The following TENM3 variants were observed in gnomAD, a reference collection of about 807,000 sequenced individuals.
TENM3 encodes the protein teneurin transmembrane protein 3, also known as teneurin-3.
In TENM3, 63 loss-of-function variants were observed where a neutral mutation model predicts 255.1. The observed-to-expected ratio is 0.25, with a 90% CI of 0.20 to 0.30. TENM3 has a LOEUF of 0.30. Among genes scored for constraint, TENM3 ranks in the 10% least tolerant of loss-of-function variants. TENM3 has a pLI of 1.00. For missense variants in TENM3, 2,929 were observed against 3,461.1 expected, an observed-to-expected ratio of 0.85 and a Z score of 3.86; for synonymous variants, 1,306 against 1,322.3, an observed-to-expected ratio of 0.99 and a Z score of 0.27.
intron 1 of TENM3, among the ~76,000 whole-genome samples, chr4:182,176,051 A>T (rs1752468637): frequency 6.6e-6 from 1 of 152,184 alleles, no homozygotes; most frequent in Non-Finnish European, 1.5e-5. Context: ...TATCGTTTAT[A>T]GTTTAGTTAA....
At chr4:182,546,903 AG>A (rs2151912692) in intron 3 of TENM3, among the ~76,000 whole-genome samples, 1 of 152,258 alleles carries the variant, frequency 6.6e-6, no homozygotes, top group Non-Finnish European at 1.5e-5. Context: ...TGTATACCTG[AG>A]TGTGTATGAT....
At chr4:182,308,657 T>G (rs1191227666) in intron 1 of TENM3, among the ~76,000 whole-genome samples, 5 of 152,162 alleles carry the variant, frequency 3.3e-5, no homozygotes, top group African/African-American at 1.2e-4. Flanking sequence ...GTATTTGTCT[T>G]TATGATATAA....
At chr4:181,621,335 G>A in the TENM3 span, among the ~76,000 whole-genome samples, 1 of 151,964 alleles carries the variant, frequency 6.6e-6, no homozygotes. Context: ...CTTAGGACAA[G>A]GTCAAGAAAA....
the TENM3 span, among the ~76,000 whole-genome samples, chr4:181,978,669 AG>A: frequency 6.7e-6 from 1 of 150,170 alleles, no homozygotes; most frequent in Admixed American, 6.6e-5. Flanking sequence ...AGAAAAGAAA[AG>A]AAAAAAAAAA....
At chr4:182,229,635 TAC>T (rs567930378) in intron 1 of TENM3, among the ~76,000 whole-genome samples, 29 of 146,970 alleles carry the variant, frequency 2.0e-4, no homozygotes, top group South Asian at 6.4e-4. Flanking sequence ...TATATATATA[TAC>T]ACACACACAC....
Position 182,714,111 on chromosome 4 carries a change from G to A in TENM3, c.2246G>A (p.Ser749Asn). ...GAGGGTTGTCCTGGTCTGTGCAACA[G>A]CAATGGAAGATGTACCCTGGACCAA... ...TIEGCPGLCN[S>N]NGRCTLDQNG... The change falls in exon 13 of 28, where the codon AGC becomes AAC. Residue 749 changes from serine (S) to asparagine (N), a missense_variant. Ser to Asn is a conservative substitution (Grantham distance 46). Coordinates refer to ENST00000511685, the MANE Select transcript of TENM3 (RefSeq NM_001080477.4). 2 of 1,613,850 alleles carry A rather than the reference G, an allele frequency of 1.2e-6. No individual in the cohort carries two copies. The highest frequency in any genetic ancestry group is 8.5e-7 in the Non-Finnish European group (1 of 1,179,802).
At chr4:181,573,382 T>TC in the TENM3 span, among the ~76,000 whole-genome samples, 3 of 152,162 alleles carry the variant, frequency 2.0e-5, no homozygotes, top group Non-Finnish European at 4.4e-5. Flanking sequence ...TTCCCTTTTT[T>TC]CCACATCCTG....
At chr4:182,552,764 A>G (rs900347137) in intron 3 of TENM3, among the ~76,000 whole-genome samples, 1 of 152,230 alleles carries the variant, frequency 6.6e-6, no homozygotes, top group African/African-American at 2.4e-5. Flanking sequence ...GTTAGACTTG[A>G]GAGTCTAAGA....
the TENM3 span, among the ~76,000 whole-genome samples, chr4:181,559,097 T>TA: frequency 9.2e-4 from 137 of 149,144 alleles, no homozygotes; most frequent in Middle Eastern, 0.01. Context: ...CTTTTCGAAT[T>TA]AAAAAAAAAA....
At chr4:182,513,050 T>G (rs1276743768) in intron 3 of TENM3, among the ~76,000 whole-genome samples, 1 of 152,164 alleles carries the variant, frequency 6.6e-6, no homozygotes, top group African/African-American at 2.4e-5. Flanking sequence ...TGTCCCAGTA[T>G]TAATGCTTAG....
intron 3 of TENM3, among the ~76,000 whole-genome samples, chr4:182,455,808 C>T (rs1017690657): frequency 6.6e-6 from 1 of 152,024 alleles, no homozygotes; most frequent in South Asian, 2.1e-4. Flanking sequence ...GTGATCCACC[C>T]GCCTCAGCCT....
intron 3 of TENM3, among the ~76,000 whole-genome samples, chr4:182,410,371 A>G (rs887087672): frequency 1.3e-5 from 2 of 152,196 alleles, no homozygotes; most frequent in Non-Finnish European, 2.9e-5. Flanking sequence ...TCCTGAGTGC[A>G]CACATACATG....
intron 21 of TENM3, among the ~76,000 whole-genome samples, chr4:182,753,979 T>C (rs1365167268): frequency 6.6e-6 from 1 of 152,208 alleles, no homozygotes; most frequent in Admixed American, 6.5e-5. Flanking sequence ...AAGGGACTTA[T>C]ATTTAGAAAT....
At chr4:181,869,543 A>C in the TENM3 span, among the ~76,000 whole-genome samples, 41 of 152,182 alleles carry the variant, frequency 2.7e-4, no homozygotes, top group South Asian at 6.4e-3. Context: ...GGATGGATAC[A>C]CCCTTCTCCA....
chr4:181,570,658 G>GCAAA, the TENM3 span, among the ~76,000 whole-genome samples: 1 of 124,718 alleles, frequency 8.0e-6, no homozygotes, highest in Non-Finnish European at 1.7e-5. Context: ...AAGAAGGAAA[G>GCAAA]CAAGCAAGCA....
chr4:182,504,009 A>T (rs1015545805), intron 3 of TENM3, among the ~76,000 whole-genome samples: 2 of 139,946 alleles, frequency 1.4e-5, no homozygotes, highest in Non-Finnish European at 3.2e-5. Flanking sequence ...TCTAATTTAC[A>T]TATATATATA....
intron 1 of TENM3, among the ~76,000 whole-genome samples, chr4:182,309,927 A>T (rs144455024): frequency 6.6e-6 from 1 of 152,318 alleles, no homozygotes; most frequent in Non-Finnish European, 1.5e-5. Context: ...TGAATGCCCT[A>T]AAAAACTTTA....
the TENM3 span, among the ~76,000 whole-genome samples, chr4:181,915,478 A>G: frequency 6.6e-6 from 1 of 152,160 alleles, no homozygotes; most frequent in Non-Finnish European, 1.5e-5. Context: ...TAGAAAGAAA[A>G]TCACTATTCC....
the TENM3 span, among the ~76,000 whole-genome samples, chr4:181,670,331 G>A: frequency 6.6e-5 from 10 of 152,162 alleles, no homozygotes; most frequent in Non-Finnish European, 1.5e-4. Context: ...GTTTGTAACC[G>A]TGTTTTCTTC....
Sources: allele counts gnomAD v4.1 joint callset (sites outside exome capture counted in the v4.1 genomes callset), GRCh38; gene constraint gnomAD v4.1.1; transcripts MANE v1.5; gene names NCBI Gene and HGNC (gene_info 2026-07-23, HGNC 2026-07-21).